The following RFNG variants were observed in gnomAD, a reference collection of about 807,000 sequenced individuals.
RFNG encodes RFNG O-fucosylpeptide 3-beta-N-acetylglucosaminyltransferase.
A neutral mutation model predicts 29.6 loss-of-function variants in RFNG; 37 were observed. The observed-to-expected ratio is 1.25, with a 90% CI of 0.96 to 1.65. RFNG has a LOEUF of 1.65. Ranked by LOEUF, RFNG falls within the 40% of genes most tolerant of loss-of-function variation. RFNG has a pLI of 0.00. For missense variants in RFNG, 546 were observed against 457.0 expected, an observed-to-expected ratio of 1.19 and a Z score of -1.78; for synonymous variants, 276 against 197.3, an observed-to-expected ratio of 1.40 and a Z score of -3.34.
Position 82,050,511 on chromosome 17 carries a change from C to T in RFNG, c.464G>A (p.Ser155Asn), listed in dbSNP as rs777184292. Residue 155 changes from serine to asparagine, a missense_variant, in exon 4 of 8, where the codon AGC becomes AAC. Coordinates refer to ENST00000310496, the MANE Select transcript of RFNG (RefSeq NM_002917.2). Reference protein sequence around the residue: ...VDDDNYVNARSLLHLLSSFSP... With the variant: ...VDDDNYVNARNLLHLLSSFSP... The stretch of plus-strand genomic sequence containing the variant: ...GAAGCTGGAGAGCAGGTGCAGGAGG[C>T]TCCTGGCGTTCACATAATTGTCATC... The T allele has an allele frequency of 6.0e-5, 96 of 1,612,902 alleles. No homozygotes were observed. Among genetic ancestry groups the T allele is most frequent in the Non-Finnish European group, 7.6e-5 (90 of 1,179,864 alleles).
rs2144188992 is a variant in RFNG, at chr17:82,048,652, A to G, written c.*74T>C. ...GTGGCCGTGGCACCTGAGGGAGCCCACTGAGCCCATAGGGGGCTCTGGTTC... is the reference window on the plus strand; with the variant it reads ...GTGGCCGTGGCACCTGAGGGAGCCCGCTGAGCCCATAGGGGGCTCTGGTTC... On this transcript the variant is annotated 3_prime_UTR_variant, in exon 8 of 8. Coordinates refer to ENST00000310496, the MANE Select transcript of RFNG (RefSeq NM_002917.2). 5 of 1,235,170 alleles carry G rather than the reference A, an allele frequency of 4.0e-6. No individual in the cohort carries two copies. The highest frequency in any genetic ancestry group is 5.9e-6 in the Non-Finnish European group (5 of 846,368). The allele number at this position is 1,235,170 out of a possible 1,614,324, so 76.5% of individuals were successfully genotyped here.
chr17:82,049,673 G>A lies in RFNG; in HGVS notation c.828+4C>T, dbSNP rs1212077534. 4 of 1,464,062 alleles carry A rather than the reference G, an allele frequency of 2.7e-6. No homozygotes were observed. The highest frequency in any genetic ancestry group is 3.6e-6 in the Non-Finnish European group (4 of 1,107,306). 90.7% of individuals were successfully genotyped at this position (1,464,062 alleles called of 1,614,324 possible). A position where few individuals can be genotyped will look rare whatever the true frequency, so the allele number is the denominator to read the frequency against. ...GGCAGAGGCACCCAGAGTGGCGCCT[G>A]TACCTGCTGGAGCAGGGTGTCGGGC... is the stretch of plus-strand genomic sequence containing the variant. On this transcript the variant is annotated splice_donor_region_variant and intron_variant, in intron 6 of 7. Transcript: ENST00000310496.
intron 4 of RFNG, 187 bp from the exon 5 acceptor site, chr17:82,050,193 C>T: frequency 1.3e-6 from 1 of 770,510 alleles, no homozygotes. Context: ...CAGACCCTCC[C>T]CACCTGGCCC....
chr17:82,050,002 GT>G lies in RFNG; in HGVS notation c.577del (p.Thr193ProfsTer24). The G allele has an allele frequency of 2.5e-6, 4 of 1,609,276 alleles. No homozygotes were observed. The highest frequency in any genetic ancestry group is 3.4e-6 in the Non-Finnish European group (4 of 1,178,026). On this transcript the variant is annotated frameshift_variant, in exon 5 of 8. Coordinates refer to ENST00000310496, the MANE Select transcript of RFNG (RefSeq NM_002917.2). LOFTEE classifies it high-confidence loss of function. Reference sequence around the variant, plus strand: ...AGTAGCAAACCAGAACTTGACCGTGGTCACCTGAAGATGGGGTGGTGGTCAG... The same window carrying G: ...AGTAGCAAACCAGAACTTGACCGTGGCACCTGAAGATGGGGTGGTGGTCAG... The part of the protein sequence containing the change: ...TERVQGGRTV[T>X]TVKFWFATGG...
Position 82,051,132 on chromosome 17 carries a change from G to T in RFNG, c.316+162C>A. On this transcript the variant is annotated intron_variant, in intron 2 of 7. Coordinates refer to ENST00000310496, the MANE Select transcript of RFNG (RefSeq NM_002917.2). The surrounding 1 kb of genome is among the most constrained non-coding windows in gnomAD (Gnocchi z 4.1). Reference sequence around the variant, plus strand: ...GGAGCAGAGCTTGGCTGGCAGGGTGGGCCCTCCGCAGGCCGCGTGACCTGG... The same window carrying T: ...GGAGCAGAGCTTGGCTGGCAGGGTGTGCCCTCCGCAGGCCGCGTGACCTGG... 2.3e-6 allele frequency: 3 copies of T among 1,321,982 alleles called. No homozygotes were observed. In the South Asian group the frequency reaches 6.9e-5, roughly 31 times the overall value. 81.9% of individuals were successfully genotyped at this position (1,321,982 alleles called of 1,614,324 possible).
At chr17:82,049,644 A>C (rs2030150253) in intron 6 of RFNG, 33 bp downstream of exon 6, 1 of 1,459,356 alleles carries the variant, frequency 6.9e-7, no homozygotes, top group Non-Finnish European at 9.0e-7. Context: ...GGCAAAGCCC[A>C]GGTGGCAGAG....
At position 82,051,640 on chromosome 17, in the gene RFNG, G is replaced by T. The variant is rs1435137340; in HGVS notation, c.127C>A (p.Pro43Thr). The T allele has an allele frequency of 9.2e-7, 1 of 1,087,588 alleles. No homozygotes were observed. The highest frequency in any genetic ancestry group is 1.1e-6 in the Non-Finnish European group (1 of 896,012). 67.4% of individuals were successfully genotyped at this position (1,087,588 alleles called of 1,614,324 possible). ...PAPARTPAPA[P>T]RAPPSRPAAP... ...GCGGGCCGGGACGGGGGCGCGCGCG[G>T]GGCCGGGGCGGGGGTCCGGGCCGGG... The change falls in exon 1 of 8, where the codon CCG becomes ACG. Residue 43 changes from proline (P) to threonine (T), a missense_variant. Coordinates refer to ENST00000310496, the MANE Select transcript of RFNG (RefSeq NM_002917.2). This position sits in a 1 kb window ranked among gnomAD's most constrained non-coding sequence, Gnocchi z 4.1.
chr17:82,049,632 G>A (rs1042948437), intron 6 of RFNG, 45 bp downstream of exon 6: 36 of 1,462,132 alleles, frequency 2.5e-5, no homozygotes, highest in Middle Eastern at 1.8e-4. Context: ...GAGTCAGGGC[G>A]GGGCAAAGCC....
chr17:82,051,719 G>A lies in RFNG; in HGVS notation c.48C>T (p.Ala16=). ...GTAACAGCAGCGCGGCCAGGGCCGC[G>A]GCCAGCGCGAGGCAGGCCCGGCACA... is the stretch of plus-strand genomic sequence containing the variant. The part of the protein sequence containing the change: ...GALCRACLAL[A]AALAALLLLP... Residue 16 remains alanine (A), a synonymous_variant, in exon 1 of 8, where the codon GCC becomes GCT. Transcript: ENST00000310496. The surrounding 1 kb of genome is among the most constrained non-coding windows in gnomAD (Gnocchi z 4.1). 9.5e-7 allele frequency: 1 copy of A among 1,048,012 alleles called. No homozygotes were observed. Among genetic ancestry groups the A allele is most frequent in the Non-Finnish European group, 1.1e-6 (1 of 872,838 alleles). 64.9% of individuals were successfully genotyped at this position (1,048,012 alleles called of 1,614,324 possible). A position where few individuals can be genotyped will look rare whatever the true frequency, so the allele number is the denominator to read the frequency against.
intron 6 of RFNG, 96 bp downstream of exon 6, chr17:82,049,581 G>A: frequency 7.2e-7 from 1 of 1,390,164 alleles, no homozygotes; most frequent in Non-Finnish European, 9.8e-7. Context: ...CCACCTGCCT[G>A]CTCAGCCGGG....
At position 82,049,037 on chromosome 17, in the gene RFNG, G is replaced by T. The variant is rs997941687; in HGVS notation, c.908C>A (p.Pro303His). 1.2e-6 allele frequency: 2 copies of T among 1,613,386 alleles called. No homozygotes were observed. The highest frequency in any genetic ancestry group is 8.5e-7 in the Non-Finnish European group (1 of 1,179,866). ...VAGGFSLHQD[P>H]TRFKSIHCLL... is the part of the protein sequence containing the mutation. ...CATGCCACTACCTACTCACCGTGTGGGGTCTTGATGCAGGCTGAAGCCTCC... is the reference window on the plus strand; with the variant it reads ...CATGCCACTACCTACTCACCGTGTGTGGTCTTGATGCAGGCTGAAGCCTCC... Residue 303 changes from proline (P) to histidine (H), a missense_variant, in exon 7 of 8, where the codon CCC becomes CAC. By Grantham distance (77) the Pro-to-His change is moderately conservative. Transcript: ENST00000310496.
In RFNG at chr17:82,050,412, C is replaced by A; in HGVS notation, c.563G>T (p.Gly188Val). The A allele has an allele frequency of 6.3e-7, 1 of 1,589,426 alleles. No homozygotes were observed. The highest frequency in any genetic ancestry group is 8.5e-7 in the Non-Finnish European group (1 of 1,171,046). Residue 188 changes from glycine (G) to valine (V), a missense_variant, in exon 4 of 8, where the codon GGT becomes GTT. Gly to Val is a moderately radical substitution (Grantham distance 109). Transcript: ENST00000310496. ...TGCTCCGACACTCACAGTTCTGCCA[C>A]CCTGGACCCTCTCGGTGGCCTCAAT... Reference protein sequence around the residue: ...HPIEATERVQGGRTVTTVKFW... With the variant: ...HPIEATERVQVGRTVTTVKFW...
Position 82,051,492 on chromosome 17 carries a change from C to G in RFNG, c.267+8G>C. 1 of 1,369,532 alleles carries G rather than the reference C, an allele frequency of 7.3e-7. No homozygotes were observed. Among genetic ancestry groups the G allele is most frequent in the Non-Finnish European group, 9.4e-7 (1 of 1,058,514 alleles). The allele number at this position is 1,369,532 out of a possible 1,614,324, so 84.8% of individuals were successfully genotyped here. A position where few individuals can be genotyped will look rare whatever the true frequency, so the allele number is the denominator to read the frequency against. On this transcript the variant is annotated splice_region_variant and intron_variant, in intron 1 of 7. Coordinates refer to ENST00000310496, the MANE Select transcript of RFNG (RefSeq NM_002917.2). The surrounding 1 kb of genome is among the most constrained non-coding windows in gnomAD (Gnocchi z 4.1). ...GGGGCTCGCCGTCGGGGTCGGGGTC[C>G]GGCGCACCTGCTGGCGGGCCCGGGA...
At chr17:82,050,892 G>C (rs1283770288) in intron 2 of RFNG, 128 bp from the exon 3 acceptor site, 1 of 1,409,526 alleles carries the variant, frequency 7.1e-7, no homozygotes, top group African/African-American at 1.4e-5. Context: ...CACCTTGCCT[G>C]GGTCCAACCA....
At position 82,051,578 on chromosome 17, in the gene RFNG, G is replaced by A. The variant is rs1385216391; in HGVS notation, c.189C>T (p.Ala63=). The A allele has an allele frequency of 7.4e-7, 1 of 1,350,926 alleles. No individual in the cohort carries two copies. The highest frequency in any genetic ancestry group is 9.5e-7 in the Non-Finnish European group (1 of 1,048,446). 83.7% of individuals were successfully genotyped at this position (1,350,926 alleles called of 1,614,324 possible). Reference sequence around the variant, plus strand: ...CGTGGTTCTTCCGGGTGGTCTTGACGGCGATGAAGACGTCGTCAGGCCGCA... The same window carrying A: ...CGTGGTTCTTCCGGGTGGTCTTGACAGCGATGAAGACGTCGTCAGGCCGCA... ...PSLRPDDVFI[A]VKTTRKNHGP... is the part of the protein sequence containing the mutation. Residue 63 remains alanine, a synonymous_variant, in exon 1 of 8, where the codon GCC becomes GCT. Transcript: ENST00000310496. This position sits in a 1 kb window ranked among gnomAD's most constrained non-coding sequence, Gnocchi z 4.1.
chr17:82,050,611 C>T (rs764265508), intron 3 of RFNG, 51 bp downstream of exon 3: 50 of 1,608,568 alleles, frequency 3.1e-5, no homozygotes, highest in Non-Finnish European at 4.0e-5. Flanking sequence ...ACAGGAGGCC[C>T]CCACCCAGCT....
intron 6 of RFNG, 123 bp downstream of exon 6, chr17:82,049,554 C>T (rs1221888720): frequency 3.4e-6 from 4 of 1,191,716 alleles, no homozygotes; most frequent in South Asian, 2.6e-5. Flanking sequence ...GGGTCCACCC[C>T]CAGCCACATG....
At chr17:82,049,470 G>A (rs566988421) in intron 6 of RFNG, 28 of 727,384 alleles carry the variant, frequency 3.8e-5, no homozygotes, top group Admixed American at 1.0e-4. Flanking sequence ...TTCTCCCCTC[G>A]TTCCTCTGCC....
intron 6 of RFNG, chr17:82,049,426 C>T (rs2030120811): frequency 1.4e-6 from 1 of 702,510 alleles, no homozygotes; most frequent in Non-Finnish European, 2.6e-6. Context: ...CACTGCCCAG[C>T]TGGCATGGGG....
Sources: gnomAD v4.1 joint callset for allele counts on GRCh38, gnomAD v4.1.1 for gene constraint, Gnocchi (gnomAD v3.1) non-coding constraint, MANE v1.5 for transcripts, NCBI Gene and HGNC (gene_info 2026-07-23, HGNC 2026-07-21) for gene names.